Variants in TANGO2 observed in about 807,000 individuals in gnomAD.
The protein encoded by TANGO2 is transport and golgi organization 2 homolog, also known as transport and Golgi organization protein 2 homolog.
Under a neutral mutation model 39.1 loss-of-function variants are expected in TANGO2, and 26 were observed. That is an observed-to-expected ratio of 0.67 (90% CI 0.49 to 0.92). TANGO2 has a LOEUF of 0.92. TANGO2 is among the 40% of genes least tolerant of loss of function. The pLI is 0.00. For missense variants in TANGO2, 326 were observed against 360.1 expected (o/e 0.91, Z 0.77); for synonymous variants, 131 against 144.5 (o/e 0.91, Z 0.67).
chr22:20,051,199 T>G (rs76309774), intron 3 of TANGO2, among the ~76,000 whole-genome samples: 8,473 of 151,942 alleles, frequency 0.056, 352 homozygotes, highest in African/African-American at 0.096. Context: ...GATCTTTACA[T>G]CTTTTCTTTT....
chr22:20,031,215 C>T (rs1382747120), intron 1 of TANGO2, among the ~76,000 whole-genome samples: 1 of 151,592 alleles, frequency 6.6e-6, no homozygotes, highest in Non-Finnish European at 1.5e-5. Context: ...AAAAATTAGC[C>T]GGGTGTGGTG....
At chr22:20,041,305 C>T (rs893808152) in intron 2 of TANGO2, among the ~76,000 whole-genome samples, 76 of 150,994 alleles carry the variant, frequency 5.0e-4, no homozygotes, top group Non-Finnish European at 9.9e-4. Context: ...GCCACCACAC[C>T]CGGCTAATTT....
chr22:20,028,246 G>T (rs890481839), intron 1 of TANGO2, among the ~76,000 whole-genome samples: 8 of 152,256 alleles, frequency 5.3e-5, no homozygotes, highest in Middle Eastern at 3.4e-3. Flanking sequence ...CAAGTAGTTG[G>T]GACCACAGGC....
At chr22:20,059,577 T>C (rs1259510464) in intron 6 of TANGO2, among the ~76,000 whole-genome samples, 1 of 152,192 alleles carries the variant, frequency 6.6e-6, no homozygotes, top group African/African-American at 2.4e-5. Flanking sequence ...ATAGCCACGA[T>C]AGTGGGTGTG....
At chr22:20,042,110 T>G (rs968187605) in intron 2 of TANGO2, among the ~76,000 whole-genome samples, 1 of 151,972 alleles carries the variant, frequency 6.6e-6, no homozygotes, top group African/African-American at 2.4e-5. Flanking sequence ...GCCTCCCCAG[T>G]AGTTGGGAAT....
At chr22:20,017,957 T>A (rs1178758183), upstream of TANGO2, among the ~76,000 whole-genome samples, 1 of 152,184 alleles carries the variant, frequency 6.6e-6, no homozygotes, top group East Asian at 1.9e-4. Context: ...CATTGCATTC[T>A]CCAAGGCCGC....
intron 1 of TANGO2, among the ~76,000 whole-genome samples, chr22:20,025,409 A>G (rs533275940): frequency 6.6e-6 from 1 of 151,944 alleles, no homozygotes; most frequent in East Asian, 2.0e-4. Context: ...CTTTCTTTTG[A>G]GGGTAGACAT....
rs564882714 is a variant in TANGO2 at position 20,063,921 on chromosome 22, G to A, written c.710+479G>A. On this transcript the variant is annotated intron_variant, in intron 8 of 8. Transcript: ENST00000327374. ...CCACTCCCTGGCAGGCCGCATAGCC[G>A]CTGGGTCCCACCCCACGGGGTGCAC... Among the ~76,000 whole-genome samples the A allele has an allele frequency of 2.0e-5, 3 of 152,378 alleles. No individual in the cohort carries two copies. The South Asian group carries it at 6.2e-4, about 32-fold the overall frequency.
chr22:20,064,682 C>T lies in TANGO2; in HGVS notation c.*20C>T, dbSNP rs1434983784. On this transcript the variant is annotated 3_prime_UTR_variant, in exon 9 of 9. Transcript: ENST00000327374. ...AGCTAACCCCACCTCTGGGCCTGGC[C>T]AGTGGGCTCCTGGGGGGCCCTGCCT... The T allele has an allele frequency of 1.2e-6, 2 of 1,613,260 alleles. No homozygotes were observed. Among genetic ancestry groups the T allele is most frequent in the South Asian group, 2.2e-5 (2 of 91,024 alleles).
At chr22:20,021,551 T>C (rs529174329) in intron 1 of TANGO2, among the ~76,000 whole-genome samples, 7 of 152,262 alleles carry the variant, frequency 4.6e-5, no homozygotes, top group East Asian at 3.9e-4. Flanking sequence ...GCCCGGTCAC[T>C]CTGCCCCCTA....
chr22:20,063,193 AAAAAGAAAAGAAG>A lies in TANGO2; in HGVS notation c.606-136_606-124del, dbSNP rs2048701422. 3.1e-5 allele frequency: 19 copies of A among 622,044 alleles called. No individual in the cohort carries two copies. The South Asian group carries it at 3.5e-4, about 11-fold the overall frequency. 38.5% of individuals were successfully genotyped at this position (622,044 alleles called of 1,614,324 possible). On this transcript the variant is annotated intron_variant, in intron 7 of 8. Transcript: ENST00000327374. ...ATAAGAGAAAAGAGAAGAGAAGAGG[AAAAAGAAAAGAAG>A]AAAAGAAACAACCCTTGCAGTTCCC...
Position 20,049,664 on chromosome 22 carries a change from A to G in TANGO2, c.146-2801A>G, listed in dbSNP as rs554194603. On this transcript the variant is annotated intron_variant, in intron 3 of 8. Coordinates refer to ENST00000327374, the MANE Select transcript of TANGO2 (RefSeq NM_152906.7). ...AACAAGAGCGAAACTCTGTCTCAAAAAAAAAAAAAAAAAGAAAAAAGAAAT... is the reference window on the plus strand; with the variant it reads ...AACAAGAGCGAAACTCTGTCTCAAAGAAAAAAAAAAAAAGAAAAAAGAAAT... 3.0e-3 allele frequency among the ~76,000 whole-genome samples: 459 copies of G among 151,242 alleles called. 1 individual carries two copies. Among genetic ancestry groups the G allele is most frequent in the Non-Finnish European group, 4.9e-3 (330 of 67,692 alleles).
intron 6 of TANGO2, among the ~76,000 whole-genome samples, chr22:20,060,784 G>A (rs188137419): frequency 1.3e-5 from 2 of 152,274 alleles, no homozygotes; most frequent in African/African-American, 4.8e-5. Context: ...AGAGGGTGGT[G>A]TCTTGGTCTC....
At chr22:20,060,449 G>A (rs917885117) in intron 6 of TANGO2, among the ~76,000 whole-genome samples, 1 of 152,046 alleles carries the variant, frequency 6.6e-6, no homozygotes, top group East Asian at 1.9e-4. Context: ...TAGAGATAAG[G>A]CCTCACTATT....
rs1390767382 is a variant in TANGO2 at position 20,052,514 on chromosome 22, C to T, written c.195C>T (p.Ser65=). ...AAGGAGGCACATGGCTGGGCATCAGCACACGTGGCAAGCTGGCAGCACTCA... is the reference window on the plus strand; with the variant it reads ...AAGGAGGCACATGGCTGGGCATCAGTACACGTGGCAAGCTGGCAGCACTCA... ...GKEGGTWLGI[S]TRGKLAALTN... Residue 65 remains serine (S), a synonymous_variant, in exon 4 of 9, where the codon AGC becomes AGT. Coordinates refer to ENST00000327374, the MANE Select transcript of TANGO2 (RefSeq NM_152906.7). 6.2e-7 allele frequency: 1 copy of T among 1,606,760 alleles called. No homozygotes were observed.
intron 4 of TANGO2, 130 bp downstream of exon 4, chr22:20,052,714 T>A (rs2046608024): frequency 8.4e-7 from 1 of 1,195,642 alleles, no homozygotes; most frequent in African/African-American, 1.5e-5. Context: ...AGGTAGGAAG[T>A]GCCAAGGTGC....
At chr22:20,032,672 A>T (rs2042093706) in intron 1 of TANGO2, among the ~76,000 whole-genome samples, 1 of 152,208 alleles carries the variant, frequency 6.6e-6, no homozygotes, top group Admixed American at 6.5e-5. Context: ...TCACCTGGAA[A>T]GCCAGGCACG....
chr22:20,026,435 T>C (rs1383802069), intron 1 of TANGO2, among the ~76,000 whole-genome samples: 2 of 151,070 alleles, frequency 1.3e-5, no homozygotes, highest in Admixed American at 1.3e-4. Flanking sequence ...TGTGCAACCA[T>C]ACAAGGTAGA....
intron 1 of TANGO2, among the ~76,000 whole-genome samples, chr22:20,034,871 C>T (rs572092796): frequency 1.2e-4 from 19 of 152,220 alleles, no homozygotes; most frequent in South Asian, 4.1e-4. Flanking sequence ...CCACGCTCTC[C>T]GAACTGTTGG....
Sources: allele counts gnomAD v4.1 joint callset (sites outside exome capture counted in the v4.1 genomes callset), GRCh38; gene constraint gnomAD v4.1.1; transcripts MANE v1.5; gene names NCBI Gene and HGNC (gene_info 2026-07-23, HGNC 2026-07-21).